The following CD53 variants were observed in gnomAD, a reference collection of about 807,000 sequenced individuals.
The protein encoded by CD53 is leukocyte surface antigen CD53.
In CD53, 20 loss-of-function variants were observed where a neutral mutation model predicts 27.3. The observed-to-expected ratio is 0.73, with a 90% CI of 0.52 to 1.07. CD53 has a LOEUF of 1.07. Ranked by LOEUF, CD53 falls within the 50% of genes least tolerant of loss-of-function variation. The pLI is 0.00. For synonymous variants in CD53, 106 were observed against 105.3 expected (o/e 1.01, Z -0.04); for missense variants, 216 against 264.0 (o/e 0.82, Z 1.26).
chr1:110,876,815 ATAT>A (rs1295535641), intron 1 of CD53, among the ~76,000 whole-genome samples: 1 of 152,190 alleles, frequency 6.6e-6, no homozygotes, highest in Non-Finnish European at 1.5e-5. Context: ...GGTTGAAAAA[ATAT>A]TATGAAAAAT....
Position 110,892,331 on chromosome 1 carries a change from A to C in CD53, c.64-14A>C, listed in dbSNP as rs907809178. ...ACATTTTGCTTCAGGATGTTGTGGG[A>C]TTCTTCCTTTCAGATCTGTGGCTGC... On this transcript the variant is annotated splice_polypyrimidine_tract_variant and intron_variant, in intron 2 of 7. Coordinates refer to ENST00000271324, the MANE Select transcript of CD53 (RefSeq NM_000560.4). 1 of 1,609,794 alleles carries C rather than the reference A, an allele frequency of 6.2e-7. No individual in the cohort carries two copies. Among genetic ancestry groups the C allele is most frequent in the East Asian group, 2.2e-5 (1 of 44,856 alleles).
At chr1:110,881,167 A>G (rs952918539) in intron 1 of CD53, among the ~76,000 whole-genome samples, 5 of 152,176 alleles carry the variant, frequency 3.3e-5, no homozygotes, top group African/African-American at 1.2e-4. Context: ...CAAAACACTG[A>G]GCGTATGCAT....
intron 3 of CD53, 150 bp downstream of exon 3, chr1:110,892,683 A>G: frequency 1.5e-6 from 1 of 681,892 alleles, no homozygotes; most frequent in South Asian, 1.8e-5. Flanking sequence ...TGCCCAGACC[A>G]ATAGTATATT....
At chr1:110,874,900 A>C (rs75431119) in intron 1 of CD53, among the ~76,000 whole-genome samples, 2,305 of 152,248 alleles carry the variant, frequency 0.015, 56 homozygotes, top group African/African-American at 0.051. Context: ...CTCCTACCCC[A>C]TGGCCAGATA....
At position 110,894,944 on chromosome 1, in the gene CD53, G is replaced by A. The variant is rs781555362; in HGVS notation, c.328-16G>A. ...GCTTTTTACCATGTCTCCTCTGCTGGAATGTGCCTGCCCAGCTGAATGAGT... is the reference window on the plus strand; with the variant it reads ...GCTTTTTACCATGTCTCCTCTGCTGAAATGTGCCTGCCCAGCTGAATGAGT... On this transcript the variant is annotated splice_polypyrimidine_tract_variant and intron_variant, in intron 4 of 7. Coordinates refer to ENST00000271324, the MANE Select transcript of CD53 (RefSeq NM_000560.4). 5 of 1,604,118 alleles carry A rather than the reference G, an allele frequency of 3.1e-6. No homozygotes were observed. In the South Asian group the frequency reaches 4.4e-5, roughly 14 times the overall value.
At chr1:110,887,445 T>C (rs1316561739) in intron 1 of CD53, among the ~76,000 whole-genome samples, 2 of 152,210 alleles carry the variant, frequency 1.3e-5, no homozygotes, top group Non-Finnish European at 2.9e-5. Flanking sequence ...CGCCATATTA[T>C]AGGTTGTACT....
Position 110,899,168 on chromosome 1 carries a change from CA to C in CD53, c.637del (p.Thr213ProfsTer5), listed in dbSNP as rs1657196603. 6.2e-7 allele frequency: 1 copy of C among 1,613,630 alleles called. No individual in the cohort carries two copies. Among genetic ancestry groups the C allele is most frequent in the South Asian group, 1.1e-5 (1 of 91,080 alleles). ...FALTLNCQID[K>X]TSQTIGL ...CACTGACCCTGAACTGCCAGATTGA[CA>C]AAACCAGCCAGACCATAGGGCTATG... On this transcript the variant is annotated frameshift_variant, in exon 8 of 8. Transcript: ENST00000271324. LOFTEE classifies it high-confidence loss of function.
intron 1 of CD53, among the ~76,000 whole-genome samples, chr1:110,887,006 A>C (rs1410084779): frequency 1.3e-5 from 2 of 150,714 alleles, no homozygotes; most frequent in Non-Finnish European, 3.0e-5. Context: ...TTGTAGTTTC[A>C]TCTTTAGAAG....
At chr1:110,896,526 A>T (rs1273163065) in intron 5 of CD53, 127 bp from the exon 6 acceptor site, 3 of 808,288 alleles carry the variant, frequency 3.7e-6, no homozygotes, top group Non-Finnish European at 6.2e-6. Context: ...AGCCCATAGC[A>T]ATCAGACCAA....
intron 1 of CD53, among the ~76,000 whole-genome samples, chr1:110,886,884 CTG>C (rs1656642565): frequency 3.0e-5 from 2 of 67,040 alleles, no homozygotes; most frequent in African/African-American, 7.7e-5. Flanking sequence ...TTTTTTCTGT[CTG>C]TGTTTCTTTG....
intron 3 of CD53, among the ~76,000 whole-genome samples, chr1:110,894,030 T>C (rs1163054682): frequency 6.6e-6 from 1 of 152,212 alleles, no homozygotes; most frequent in East Asian, 1.9e-4. Flanking sequence ...AATAGGCAGA[T>C]GTCAAAATTG....
intron 7 of CD53, 121 bp downstream of exon 7, chr1:110,898,013 G>T (rs1460888248): frequency 1.9e-6 from 1 of 527,532 alleles, no homozygotes; most frequent in African/African-American, 1.9e-5. Flanking sequence ...ACTAATATAT[G>T]AATTCCCCCA....
intron 1 of CD53, among the ~76,000 whole-genome samples, chr1:110,889,842 A>G (rs1286160240): frequency 1.3e-5 from 2 of 152,158 alleles, no homozygotes; most frequent in Admixed American, 6.5e-5. Flanking sequence ...TTTACTTCTG[A>G]TATATATTCA....
At chr1:110,883,389 C>T (rs746776155) in intron 1 of CD53, among the ~76,000 whole-genome samples, 2 of 151,874 alleles carry the variant, frequency 1.3e-5, no homozygotes, top group Non-Finnish European at 2.9e-5. Flanking sequence ...CCTTGCATTC[C>T]TGAGAGTAGC....
chr1:110,879,996 G>T (rs566114089), intron 1 of CD53, among the ~76,000 whole-genome samples: 5 of 152,306 alleles, frequency 3.3e-5, no homozygotes, highest in African/African-American at 4.8e-5. Flanking sequence ...AAATCCGCAG[G>T]TTCTACCAGC....
At chr1:110,887,193 A>G (rs1209975861) in intron 1 of CD53, among the ~76,000 whole-genome samples, 2 of 151,848 alleles carry the variant, frequency 1.3e-5, no homozygotes, top group African/African-American at 4.8e-5. Context: ...CCTCCCGAGT[A>G]GCTGGGACTA....
chr1:110,877,872 G>C (rs990452833), intron 1 of CD53, among the ~76,000 whole-genome samples: 1 of 152,130 alleles, frequency 6.6e-6, no homozygotes, highest in East Asian at 1.9e-4. Flanking sequence ...GACGTACAGC[G>C]ATAACTTTGA....
At chr1:110,875,275 C>T (rs1656078195) in intron 1 of CD53, among the ~76,000 whole-genome samples, 1 of 152,166 alleles carries the variant, frequency 6.6e-6, no homozygotes, top group Non-Finnish European at 1.5e-5. Context: ...GTGGAAAGCC[C>T]TTTCTCCTAC....
chr1:110,896,189 T>G (rs1394446277), intron 5 of CD53, among the ~76,000 whole-genome samples: 1 of 152,228 alleles, frequency 6.6e-6, no homozygotes, highest in African/African-American at 2.4e-5. Flanking sequence ...CTCGAGTATT[T>G]TGGTATCAGG....
Sources: gnomAD v4.1 joint callset for allele counts (sites outside exome capture counted in the v4.1 genomes callset) on GRCh38, gnomAD v4.1.1 for gene constraint, MANE v1.5 for transcripts, NCBI Gene and HGNC (gene_info 2026-07-23, HGNC 2026-07-21) for gene names.